Variants in OCA2 observed in about 807,000 individuals in gnomAD.
The protein encoded by OCA2 is OCA2 melanosomal transmembrane protein.
OCA2 carries 77 observed loss-of-function variants against 100.2 expected under a neutral mutation model. The observed-to-expected ratio is 0.77, with a 90% CI of 0.64 to 0.93. The LOEUF is 0.93. Ranked by LOEUF, OCA2 falls within the 40% of genes least tolerant of loss-of-function variation. The pLI is 0.00. For synonymous variants in OCA2, 432 were observed against 439.2 expected (o/e 0.98, Z 0.21); for missense variants, 1,062 against 1,089.1 (o/e 0.98, Z 0.35).
At chr15:28,037,244 A>C (rs2043071845) in intron 2 of OCA2, among the ~76,000 whole-genome samples, 1 of 151,762 alleles carries the variant, frequency 6.6e-6, no homozygotes, top group African/African-American at 2.4e-5. Context: ...TGGGACCAAA[A>C]TAAATCAAGC....
intron 2 of OCA2, among the ~76,000 whole-genome samples, chr15:28,044,081 C>T (rs867126322): frequency 3.3e-5 from 5 of 152,180 alleles, no homozygotes; most frequent in South Asian, 4.1e-4. Flanking sequence ...CCAGAGTAGA[C>T]AGCTCTCTGA....
In OCA2 at chr15:27,872,031, T is replaced by A. The variant is rs1336105837; in HGVS notation, c.2080-109A>T. 6 of 777,070 alleles carry A rather than the reference T, an allele frequency of 7.7e-6. No individual in the cohort carries two copies. The East Asian group carries it at 1.5e-4, about 19-fold the overall frequency. The allele number at this position is 777,070 out of a possible 1,614,324, so 48.1% of individuals were successfully genotyped here. On this transcript the variant is annotated intron_variant, in intron 19 of 23. Coordinates refer to ENST00000354638, the MANE Select transcript of OCA2 (RefSeq NM_000275.3). ...GACGTGAACATAAGGTAGGCCCAGA[T>A]TCCTGCTTCTTATAAAAGATCAGAC... is the stretch of plus-strand genomic sequence containing the variant.
intron 19 of OCA2, among the ~76,000 whole-genome samples, chr15:27,898,145 T>C (rs2037784288): frequency 6.6e-6 from 1 of 152,218 alleles, no homozygotes; most frequent in Non-Finnish European, 1.5e-5. Flanking sequence ...GATGAGACAT[T>C]GGACTGTGTA....
At chr15:27,968,800 C>A (rs1020260286) in intron 14 of OCA2, among the ~76,000 whole-genome samples, 2 of 152,108 alleles carry the variant, frequency 1.3e-5, no homozygotes, top group Non-Finnish European at 2.9e-5. Flanking sequence ...CACACAGAGG[C>A]GGGACTCATG....
chr15:27,851,362 T>G lies in OCA2; in HGVS notation c.2338+20A>C. On this transcript the variant is annotated intron_variant, in intron 22 of 23. Coordinates refer to ENST00000354638, the MANE Select transcript of OCA2 (RefSeq NM_000275.3). ...GTGTGGGCGTGCACCCCCACCCCCA[T>G]GCAGTCAGCAGCCCCTTACCTCCCA... The G allele has an allele frequency of 6.2e-7, 1 of 1,604,068 alleles. No individual in the cohort carries two copies. The highest frequency in any genetic ancestry group is 8.5e-7 in the Non-Finnish European group (1 of 1,171,832).
intron 23 of OCA2, among the ~76,000 whole-genome samples, chr15:27,802,408 C>T (rs1363826365): frequency 1.3e-5 from 2 of 151,900 alleles, no homozygotes; most frequent in African/African-American, 4.8e-5. Flanking sequence ...CAAAGAAATC[C>T]CAATAAAATC....
chr15:27,778,280 G>A (rs1595394923), intron 23 of OCA2, among the ~76,000 whole-genome samples: 9 of 152,186 alleles, frequency 5.9e-5, no homozygotes, highest in Admixed American at 5.9e-4. Context: ...TTGCAACACT[G>A]TTCAGTAGAG....
At chr15:27,980,891 A>G (rs1299039111) in intron 14 of OCA2, among the ~76,000 whole-genome samples, 1 of 152,104 alleles carries the variant, frequency 6.6e-6, no homozygotes, top group Non-Finnish European at 1.5e-5. Flanking sequence ...GCTTCATTGA[A>G]CTTCTTGATT....
chr15:28,074,442 A>G (rs1314813307), intron 2 of OCA2, among the ~76,000 whole-genome samples: 1 of 152,060 alleles, frequency 6.6e-6, no homozygotes, highest in Admixed American at 6.6e-5. Flanking sequence ...TGGGAGGCCG[A>G]GGCGGGCGGA....
intron 9 of OCA2, among the ~76,000 whole-genome samples, chr15:28,008,169 AAGTAG>A (rs1003762821): frequency 3.9e-5 from 6 of 152,260 alleles, no homozygotes; most frequent in South Asian, 2.1e-4. Flanking sequence ...AGCATGTAAA[AAGTAG>A]AGTAGAGTTT....
intron 15 of OCA2, 88 bp downstream of exon 15, chr15:27,966,602 G>A: frequency 6.8e-7 from 1 of 1,477,748 alleles, no homozygotes; most frequent in Non-Finnish European, 9.4e-7. Context: ...CCCATCAACA[G>A]ATACTTCCTA....
At position 28,097,817 on chromosome 15, in the gene OCA2, G is replaced by A. The variant is rs538473338; in HGVS notation, c.-22+1407C>T. 3.9e-5 allele frequency among the ~76,000 whole-genome samples: 6 copies of A among 152,214 alleles called. No individual in the cohort carries two copies. In the South Asian group the frequency reaches 1.2e-3, roughly 32 times the overall value. On this transcript the variant is annotated intron_variant, in intron 1 of 23. Transcript: ENST00000354638. The stretch of plus-strand genomic sequence containing the variant: ...CAGCTCACCAGTGCTTCCCTGCCCC[G>A]GCCTGGCAACCACACTCAGTGGGAA...
chr15:27,837,136 GC>G (rs1273628086), intron 23 of OCA2, among the ~76,000 whole-genome samples: 1 of 152,212 alleles, frequency 6.6e-6, no homozygotes, highest in Non-Finnish European at 1.5e-5. Context: ...CCATGTTTCT[GC>G]CCAGTGAGGG....
Position 28,018,453 on chromosome 15 carries a change from C to G in OCA2, c.751G>C (p.Val251Leu). The G allele has an allele frequency of 6.2e-7, 1 of 1,614,108 alleles. No homozygotes were observed. The highest frequency in any genetic ancestry group is 8.5e-7 in the Non-Finnish European group (1 of 1,180,018). ...GCGTCAGCCTGGGTCAGCTCCACCA[C>G]GATGTGCTCTTCCCTCCCAGGACGA... ...PSRPGREEHIVVELTQADALG... is the reference protein window; with the variant it reads ...PSRPGREEHILVELTQADALG... Residue 251 changes from valine to leucine, a missense_variant, in exon 7 of 24, where the codon GTG (valine) becomes CTG (leucine). By Grantham distance (32) the Val-to-Leu change is conservative. Transcript: ENST00000354638.
chr15:28,062,771 G>A (rs984843692), intron 2 of OCA2, among the ~76,000 whole-genome samples: 4 of 152,160 alleles, frequency 2.6e-5, no homozygotes, highest in Admixed American at 2.6e-4. Flanking sequence ...TCTTTTGCAT[G>A]TGGATAGCCA....
intron 22 of OCA2, among the ~76,000 whole-genome samples, chr15:27,847,391 G>A (rs2035577246): frequency 6.6e-6 from 1 of 152,230 alleles, no homozygotes; most frequent in African/African-American, 2.4e-5. Context: ...AAGACAGGAG[G>A]GCAGGGAGGA....
chr15:28,086,443 T>A (rs1407051282), intron 1 of OCA2, among the ~76,000 whole-genome samples: 1 of 152,176 alleles, frequency 6.6e-6, no homozygotes, highest in Non-Finnish European at 1.5e-5. Flanking sequence ...CTTCTAACCC[T>A]ATCTGGCAGC....
intron 19 of OCA2, among the ~76,000 whole-genome samples, chr15:27,892,297 T>C (rs778160565): frequency 6.6e-6 from 1 of 151,890 alleles, no homozygotes; most frequent in Non-Finnish European, 1.5e-5. Flanking sequence ...TTTACCAAGA[T>C]GTATCATATT....
chr15:28,095,326 C>A (rs2044954763), intron 1 of OCA2, among the ~76,000 whole-genome samples: 2 of 152,226 alleles, frequency 1.3e-5, no homozygotes, highest in African/African-American at 4.8e-5. Context: ...CCCTCCCACC[C>A]CGCCCCTGTG....
Sources: gnomAD v4.1 joint callset for allele counts (sites outside exome capture counted in the v4.1 genomes callset) on GRCh38, gnomAD v4.1.1 for gene constraint, MANE v1.5 for transcripts, NCBI Gene and HGNC (gene_info 2026-07-23, HGNC 2026-07-21) for gene names.